PCDHA9: variants seen among roughly 807,000 people sequenced by gnomAD.
PCDHA9 encodes the protein protocadherin alpha-9.
A neutral mutation model predicts 62.0 loss-of-function variants in PCDHA9; 62 were observed. That is an observed-to-expected ratio of 1.00 (90% confidence interval 0.81 to 1.23). The LOEUF is 1.23. Among genes scored for constraint, PCDHA9 ranks in the 50% most tolerant of loss-of-function variants. The pLI is 0.00. For missense variants in PCDHA9, 1,205 were observed against 1,249.8 expected (o/e 0.96, Z 0.54); for synonymous variants, 557 against 567.6 (o/e 0.98, Z 0.27).
intron 1 of PCDHA9, chr5:140,928,400 C>G: frequency 6.2e-7 from 1 of 1,614,038 alleles, no homozygotes; most frequent in Non-Finnish European, 8.5e-7. Flanking sequence ...GTGGAATCAT[C>G]CAGTGGGGCC....
At chr5:140,871,125 G>A (rs1387416665) in intron 1 of PCDHA9, 1 of 1,613,330 alleles carries the variant, frequency 6.2e-7, no homozygotes. Context: ...GCGGACAGGC[G>A]CCAAAGGCCT....
intron 1 of PCDHA9, among the ~76,000 whole-genome samples, chr5:140,909,265 G>A (rs1289313376): frequency 3.3e-5 from 5 of 152,192 alleles, no homozygotes; most frequent in Non-Finnish European, 7.3e-5. Flanking sequence ...CTGACTGAAG[G>A]CAAATTGCTT....
intron 1 of PCDHA9, chr5:140,877,932 A>G: frequency 7.1e-7 from 1 of 1,407,638 alleles, no homozygotes; most frequent in Non-Finnish European, 9.3e-7. Flanking sequence ...TTATGATTCT[A>G]TCCTTTAAAC....
In PCDHA9 at chr5:140,850,552, C is replaced by A. The variant is rs112046100; in HGVS notation, c.2057C>A (p.Ala686Asp). Residue 686 changes from alanine to aspartate, a missense_variant, in exon 1 of 4, where the codon GCC (alanine) becomes GAC (aspartate). Physicochemically the swap from Ala to Asp is moderately radical, Grantham distance 126 (BLOSUM62 -2). Coordinates refer to ENST00000532602, the MANE Select transcript of PCDHA9 (RefSeq NM_031857.2). ...TCATCGTCGCGGGCGTCAGTGGGTG[C>A]CACGGGCCCCGAGGTGACGCTGGTG... is the stretch of plus-strand genomic sequence containing the variant. ...PKSSSRASVG[A>D]TGPEVTLVDV... 1,841 of 1,598,232 alleles carry A rather than the reference C, an allele frequency of 1.2e-3. 121 individuals carry two copies. The African/African-American group carries it at 0.021, about 18-fold the overall frequency.
At chr5:140,956,701 G>A (rs549659732) in intron 1 of PCDHA9, among the ~76,000 whole-genome samples, 30 of 152,256 alleles carry the variant, frequency 2.0e-4, no homozygotes, top group Admixed American at 1.4e-3. Context: ...CCATTGTTTG[G>A]AATAGCTTCA....
At chr5:140,963,957 A>T (rs1585999636) in intron 1 of PCDHA9, among the ~76,000 whole-genome samples, 1 of 152,230 alleles carries the variant, frequency 6.6e-6, no homozygotes. Flanking sequence ...CACTGGCAGG[A>T]GTGTGACTGA....
At chr5:140,924,049 T>C (rs1554201723) in intron 1 of PCDHA9, among the ~76,000 whole-genome samples, 1 of 152,254 alleles carries the variant, frequency 6.6e-6, no homozygotes, top group East Asian at 1.9e-4. Flanking sequence ...AAAAGTTCGG[T>C]ACATCTTTAC....
chr5:140,891,712 C>T (rs2063219356), intron 1 of PCDHA9, among the ~76,000 whole-genome samples: 1 of 152,148 alleles, frequency 6.6e-6, no homozygotes, highest in Non-Finnish European at 1.5e-5. Context: ...TTTGTACCCC[C>T]AAATTCATGT....
At position 140,850,869 on chromosome 5, in the gene PCDHA9, T is replaced by C. The variant is rs1204218607; in HGVS notation, c.2374T>C (p.Ser792Pro). 3.3e-5 allele frequency: 52 copies of C among 1,591,956 alleles called. 5 individuals carry two copies. The highest frequency in any genetic ancestry group is 4.2e-5 in the Non-Finnish European group (49 of 1,163,508). ...STERTGEPSA[S>P]SDSTGKPRQP... ...AGAGCGAACGGGAGAACCCTCTGCT[T>C]CCTCAGATTCAACTGGGAAGGTGGG... Residue 792 changes from serine (S) to proline (P), a missense_variant, in exon 1 of 4, where the codon TCC becomes CCC. By Grantham distance (74) the Ser-to-Pro change is moderately conservative. Coordinates refer to ENST00000532602, the MANE Select transcript of PCDHA9 (RefSeq NM_031857.2).
chr5:140,876,212 A>G lies in PCDHA9; in HGVS notation c.2394+25323A>G, dbSNP rs782252921. On this transcript the variant is annotated intron_variant, in intron 1 of 3. Coordinates refer to ENST00000532602, the MANE Select transcript of PCDHA9 (RefSeq NM_031857.2). Reference sequence around the variant, plus strand: ...GGTCCGGCGTTTGATAAGCCCAGCTATAAAGTAGTGTTGTCTGAAAATGTC... The same window carrying G: ...GGTCCGGCGTTTGATAAGCCCAGCTGTAAAGTAGTGTTGTCTGAAAATGTC... 5.6e-6 allele frequency: 9 copies of G among 1,613,994 alleles called. No individual in the cohort carries two copies. In the East Asian group the frequency reaches 2.0e-4, roughly 36 times the overall value.
intron 3 of PCDHA9, among the ~76,000 whole-genome samples, chr5:140,999,166 A>G (rs2097849848): frequency 6.6e-6 from 1 of 152,190 alleles, no homozygotes; most frequent in South Asian, 2.1e-4. Context: ...CTAGAAGGAA[A>G]AGAGCCTGAT....
intron 1 of PCDHA9, chr5:140,866,579 G>A (rs2049440989): frequency 6.6e-6 from 1 of 152,136 alleles, no homozygotes; most frequent in African/African-American, 2.4e-5. Context: ...ACAGTGGTTG[G>A]ATAATGTAAT....
chr5:140,911,187 G>A (rs911666410), intron 1 of PCDHA9, among the ~76,000 whole-genome samples: 1 of 152,102 alleles, frequency 6.6e-6, no homozygotes, highest in Non-Finnish European at 1.5e-5. Context: ...TGTGGGTTGG[G>A]GAGGACATGT....
rs2150499479 is a variant in PCDHA9 at position 140,850,817 on chromosome 5, G to A, written c.2322G>A (p.Pro774=). 3 of 1,598,296 alleles carry A rather than the reference G, an allele frequency of 1.9e-6. 1 individual carries two copies. The highest frequency in any genetic ancestry group is 2.6e-6 in the Non-Finnish European group (3 of 1,167,646). The change falls in exon 1 of 4, where the codon CCG becomes CCA. Residue 774 remains proline, a synonymous_variant. Transcript: ENST00000532602. The part of the protein sequence containing the change: ...KQKTDLMAFS[P]GLSPCAGSTE... ...AGACCGACCTCATGGCCTTCAGCCC[G>A]GGCCTTTCTCCTTGTGCTGGATCTA... is the stretch of plus-strand genomic sequence containing the variant.
chr5:140,969,037 C>T (rs1554231375), intron 1 of PCDHA9: 1 of 1,614,158 alleles, frequency 6.2e-7, no homozygotes, highest in South Asian at 1.1e-5. Flanking sequence ...CAGAACTGTA[C>T]AAACAAGCCA....
At chr5:140,869,800 T>C (rs782065808) in intron 1 of PCDHA9, 2 of 1,612,808 alleles carry the variant, frequency 1.2e-6, no homozygotes, top group Non-Finnish European at 1.7e-6. Context: ...AGTCCAAGTC[T>C]TGGATGTCAA....
chr5:140,987,214 A>G (rs78124050), intron 3 of PCDHA9, among the ~76,000 whole-genome samples: 3 of 131,916 alleles, frequency 2.3e-5, no homozygotes, highest in Admixed American at 2.2e-4. Context: ...ACTCCATCTC[A>G]AAAAAAAAAA....
chr5:140,852,773 T>C, intron 1 of PCDHA9: 3 of 981,330 alleles, frequency 3.1e-6, no homozygotes, highest in East Asian at 1.1e-4. Context: ...GATTATTTGA[T>C]GTGAATAGAG....
chr5:140,964,560 TGGGAGGAGATAAG>T (rs2095840156), intron 1 of PCDHA9, among the ~76,000 whole-genome samples: 1 of 152,082 alleles, frequency 6.6e-6, no homozygotes, highest in Admixed American at 6.6e-5. Context: ...CTTGGAGGGC[TGGGAGGAGATAAG>T]GGGAGGAAAG....
Sources: allele counts gnomAD v4.1 joint callset (sites outside exome capture counted in the v4.1 genomes callset), GRCh38; gene constraint gnomAD v4.1.1; transcripts MANE v1.5; gene names NCBI Gene and HGNC (gene_info 2026-07-23, HGNC 2026-07-21).